Variants in ANKFN1 observed in about 807,000 individuals in gnomAD.
ANKFN1 encodes the protein ankyrin repeat and fibronectin type III domain containing 1.
In ANKFN1, 74 loss-of-function variants were observed where a neutral mutation model predicts 108.7. The ratio of observed to expected loss-of-function variants is 0.68; its 90% confidence interval spans 0.56 to 0.83. The LOEUF is 0.83. Ranked by LOEUF, ANKFN1 falls within the 40% of genes least tolerant of loss-of-function variation. The pLI is 0.00. For missense variants in ANKFN1, 1,505 were observed against 1,382.3 expected (o/e 1.09, Z -1.41); for synonymous variants, 547 against 516.2 (o/e 1.06, Z -0.81).
At chr17:56,085,281 G>T (rs944370309) in intron 4 of ANKFN1, among the ~76,000 whole-genome samples, 1 of 149,958 alleles carries the variant, frequency 6.7e-6, no homozygotes, top group African/African-American at 2.5e-5. Flanking sequence ...ATATAACTAA[G>T]AGATGAGGTG....
At chr17:56,276,608 G>A (rs891197025) in intron 3 of ANKFN1, among the ~76,000 whole-genome samples, 3 of 152,130 alleles carry the variant, frequency 2.0e-5, no homozygotes, top group East Asian at 1.9e-4. Flanking sequence ...ACCAGTGATG[G>A]TGAGCATTTT....
At chr17:56,358,506 A>T (rs2144706923) in intron 6 of ANKFN1, among the ~76,000 whole-genome samples, 1 of 152,344 alleles carries the variant, frequency 6.6e-6, no homozygotes, top group Non-Finnish European at 1.5e-5. Flanking sequence ...CTCTCAAGTT[A>T]AATATATACA....
At chr17:56,134,267 G>A (rs1907462975) in intron 4 of ANKFN1, among the ~76,000 whole-genome samples, 1 of 152,132 alleles carries the variant, frequency 6.6e-6, no homozygotes, top group Non-Finnish European at 1.5e-5. Flanking sequence ...CTGTGCTACT[G>A]GCACATGGAT....
chr17:56,272,967 T>A (rs1267361146), intron 3 of ANKFN1, among the ~76,000 whole-genome samples: 1 of 152,164 alleles, frequency 6.6e-6, no homozygotes, highest in Non-Finnish European at 1.5e-5. Flanking sequence ...ATGCCTGAAT[T>A]GGGCCCCTGA....
chr17:56,370,694 G>A (rs1322785124), intron 6 of ANKFN1, among the ~76,000 whole-genome samples: 1 of 152,134 alleles, frequency 6.6e-6, no homozygotes, highest in Non-Finnish European at 1.5e-5. Context: ...CCTAACCTAT[G>A]TCTAAAAATA....
intron 4 of ANKFN1, among the ~76,000 whole-genome samples, chr17:56,094,144 G>A (rs1905471574): frequency 6.6e-6 from 1 of 151,060 alleles, no homozygotes; most frequent in African/African-American, 2.4e-5. Context: ...GAAGACAGGA[G>A]AGGGGCATGG....
At chr17:56,337,432 A>G (rs2045842694) in intron 4 of ANKFN1, among the ~76,000 whole-genome samples, 2 of 152,100 alleles carry the variant, frequency 1.3e-5, no homozygotes, top group South Asian at 4.1e-4. Context: ...AAAACACCAA[A>G]AGCAATGGCA....
chr17:56,103,190 A>G (rs1231155302), intron 4 of ANKFN1, among the ~76,000 whole-genome samples: 2 of 152,218 alleles, frequency 1.3e-5, no homozygotes, highest in Non-Finnish European at 2.9e-5. Context: ...TCAGGTAATG[A>G]GCGACATGAA....
chr17:56,429,069 A>G (rs2048669124), intron 8 of ANKFN1, among the ~76,000 whole-genome samples: 1 of 152,224 alleles, frequency 6.6e-6, no homozygotes, highest in African/African-American at 2.4e-5. Context: ...AATGCCTACC[A>G]TGGGCAGATC....
In ANKFN1 at chr17:56,391,208, AATACATATATATATATATATAT is replaced by A. The variant is rs1181201277; in HGVS notation, c.910+16498_910+16519del. ...AGTCTTTGCAGGGTGAAGGCCCAAG[AATACATATATATATATATATAT>A]ATATATATATATATATATGTATGTG... On this transcript the variant is annotated intron_variant, in intron 8 of 20. Coordinates refer to ENST00000682825, the MANE Select transcript of ANKFN1 (RefSeq NM_001370326.1). Among the ~76,000 whole-genome samples, 10 of 108,218 alleles carry A rather than the reference AATACATATATATATATATATAT, an allele frequency of 9.2e-5. No individual in the cohort carries two copies. The South Asian group carries it at 2.6e-3, about 28-fold the overall frequency. The allele number at this position is 108,218 out of a possible 152,430, so 71.0% of individuals were successfully genotyped here. A position where few individuals can be genotyped will look rare whatever the true frequency, so the allele number is the denominator to read the frequency against.
intron 20 of ANKFN1, among the ~76,000 whole-genome samples, chr17:56,500,809 G>A (rs1332682615): frequency 6.6e-6 from 1 of 152,130 alleles, no homozygotes; most frequent in Non-Finnish European, 1.5e-5. Flanking sequence ...CTATGTGCCA[G>A]GCTCTCTTCG....
intron 3 of ANKFN1, among the ~76,000 whole-genome samples, chr17:56,325,025 A>G (rs1567914133): frequency 6.6e-6 from 1 of 152,146 alleles, no homozygotes; most frequent in Admixed American, 6.5e-5. Flanking sequence ...TACCAGGCCA[A>G]AGATTAACTC....
Position 56,289,764 on chromosome 17 carries a change from TG to T in ANKFN1, c.54-36453del, listed in dbSNP as rs528160358. Reference sequence around the variant, plus strand: ...TGTGGCACTCTTCACTCAATAGCAATGGGGAGTTCAAAACGTCTTAAGTGAC... The same window carrying T: ...TGTGGCACTCTTCACTCAATAGCAATGGGAGTTCAAAACGTCTTAAGTGAC... On this transcript the variant is annotated intron_variant, in intron 3 of 20. Coordinates refer to ENST00000682825, the MANE Select transcript of ANKFN1 (RefSeq NM_001370326.1). 6.6e-5 allele frequency among the ~76,000 whole-genome samples: 10 copies of T among 152,332 alleles called. No homozygotes were observed. The East Asian group carries it at 1.9e-3, about 29-fold the overall frequency.
At chr17:56,457,785 C>G in intron 13 of ANKFN1, 78 bp from the exon 14 acceptor site, 1 of 1,082,112 alleles carries the variant, frequency 9.2e-7, no homozygotes, top group Non-Finnish European at 1.4e-6. Flanking sequence ...ATTTCTTTCT[C>G]CCTGCTTTGC....
chr17:56,342,707 T>C (rs1217107311), intron 4 of ANKFN1, among the ~76,000 whole-genome samples: 1 of 152,132 alleles, frequency 6.6e-6, no homozygotes, highest in Non-Finnish European at 1.5e-5. Flanking sequence ...AGTGTTTTAC[T>C]TCCAATTATG....
rs367732621 is a variant in ANKFN1 at position 56,398,497 on chromosome 17, T to C, written c.910+23783T>C. Reference sequence around the variant, plus strand: ...TTTTCTTTAAAACAACTAGGTTAATTTGTGATATCTCAGGTCTCCTTCTAT... The same window carrying C: ...TTTTCTTTAAAACAACTAGGTTAATCTGTGATATCTCAGGTCTCCTTCTAT... On this transcript the variant is annotated intron_variant, in intron 8 of 20. Transcript: ENST00000682825. Among the ~76,000 whole-genome samples, 19 of 152,260 alleles carry C rather than the reference T, an allele frequency of 1.2e-4. No homozygotes were observed. The East Asian group carries it at 1.5e-3, about 12-fold the overall frequency.
chr17:56,134,936 G>A (rs1346821336), intron 4 of ANKFN1, among the ~76,000 whole-genome samples: 7 of 152,126 alleles, frequency 4.6e-5, no homozygotes, highest in African/African-American at 7.2e-5. Context: ...GGGTAAAGTT[G>A]TGATTTCAGA....
At chr17:56,073,870 T>C (rs1905148608) in intron 4 of ANKFN1, among the ~76,000 whole-genome samples, 1 of 152,230 alleles carries the variant, frequency 6.6e-6, no homozygotes, top group Non-Finnish European at 1.5e-5. Context: ...AATGAGATCA[T>C]GGTATGCAAA....
chr17:56,315,814 A>C (rs2045188746), intron 3 of ANKFN1, among the ~76,000 whole-genome samples: 1 of 152,222 alleles, frequency 6.6e-6, no homozygotes, highest in Non-Finnish European at 1.5e-5. Context: ...CAGGAGTCTG[A>C]AGACAGAAGA....
Sources: allele counts gnomAD v4.1 joint callset (sites outside exome capture counted in the v4.1 genomes callset), GRCh38; gene constraint gnomAD v4.1.1; transcripts MANE v1.5; gene names NCBI Gene and HGNC (gene_info 2026-07-23, HGNC 2026-07-21).